Variants in RALYL observed in about 807,000 individuals in gnomAD.
RALYL encodes the protein RALY RNA binding protein like.
Under a neutral mutation model 35.1 loss-of-function variants are expected in RALYL, and 29 were observed. That is an observed-to-expected ratio of 0.83 (90% CI 0.61 to 1.13). The LOEUF is 1.13. Ranked by LOEUF, RALYL falls within the 50% of genes most tolerant of loss-of-function variation. The pLI, the probability that RALYL is intolerant of heterozygous loss-of-function variation, is 0.00. For missense variants in RALYL, 359 were observed against 360.4 expected (o/e 1.00, Z 0.03); for synonymous variants, 120 against 127.6 (o/e 0.94, Z 0.40).
chr8:84,360,513 C>T (rs1398957794), intron 1 of RALYL, among the ~76,000 whole-genome samples: 1 of 152,082 alleles, frequency 6.6e-6, no homozygotes, highest in Admixed American at 6.6e-5. Context: ...CAATGAATAT[C>T]GAAGATTAAT....
chr8:84,564,561 A>G (rs190718439), intron 2 of RALYL, among the ~76,000 whole-genome samples: 63 of 151,804 alleles, frequency 4.2e-4, no homozygotes, highest in African/African-American at 1.4e-3. Flanking sequence ...GTCTGCCACA[A>G]TCCCTTCAAT....
chr8:84,464,122 T>C (rs1315683172), intron 1 of RALYL, among the ~76,000 whole-genome samples: 3 of 142,686 alleles, frequency 2.1e-5, no homozygotes, highest in African/African-American at 5.2e-5. Flanking sequence ...TTTAAAAACA[T>C]TAAAACAAGT....
chr8:84,354,521 C>T (rs1851476001), intron 1 of RALYL, among the ~76,000 whole-genome samples: 1 of 150,430 alleles, frequency 6.6e-6, no homozygotes, highest in Admixed American at 6.6e-5. Context: ...CTGATTTCTC[C>T]TCAGTCACTT....
intron 2 of RALYL, among the ~76,000 whole-genome samples, chr8:84,737,226 CT>C (rs1847479759): frequency 6.6e-6 from 1 of 152,026 alleles, no homozygotes; most frequent in African/African-American, 2.4e-5. Context: ...AAGCTATTAG[CT>C]GTTATTATTA....
At chr8:84,648,233 C>A (rs1450117764) in intron 2 of RALYL, among the ~76,000 whole-genome samples, 1 of 152,096 alleles carries the variant, frequency 6.6e-6, no homozygotes, top group Non-Finnish European at 1.5e-5. Flanking sequence ...CACATTAAAG[C>A]AAGTTTTCAT....
intron 2 of RALYL, among the ~76,000 whole-genome samples, chr8:84,738,670 A>G (rs1266276857): frequency 6.6e-6 from 1 of 152,024 alleles, no homozygotes; most frequent in Non-Finnish European, 1.5e-5. Flanking sequence ...ATAACAATAC[A>G]ATGTTATTTT....
intron 1 of RALYL, among the ~76,000 whole-genome samples, chr8:84,383,312 T>C (rs565803182): frequency 6.6e-6 from 1 of 151,806 alleles, no homozygotes; most frequent in Admixed American, 6.6e-5. Flanking sequence ...GAGGGTCTTT[T>C]ATGGGGAATC....
intron 2 of RALYL, among the ~76,000 whole-genome samples, chr8:84,567,349 A>G (rs887367153): frequency 9.2e-5 from 14 of 151,742 alleles, no homozygotes; most frequent in Admixed American, 2.0e-4. Flanking sequence ...GTAATTTTTC[A>G]AACTCACCCT....
Position 84,876,388 on chromosome 8 carries a change from T to C in RALYL, c.685+2991T>C, listed in dbSNP as rs539641332. Among the ~76,000 whole-genome samples, 12 of 152,338 alleles carry C rather than the reference T, an allele frequency of 7.9e-5. No individual in the cohort carries two copies. In the South Asian group the frequency reaches 8.3e-4, roughly 11 times the overall value. ...AACTTCTTTGGGGATATAGTGACTA[T>C]GTAGATTATAGAAAACCACAAGTAA... is the stretch of plus-strand genomic sequence containing the variant. On this transcript the variant is annotated intron_variant, in intron 7 of 8. Transcript: ENST00000521268.
chr8:84,281,347 G>A (rs1330307737), intron 1 of RALYL, among the ~76,000 whole-genome samples: 1 of 152,100 alleles, frequency 6.6e-6, no homozygotes, highest in South Asian at 2.1e-4. Context: ...AAGGAAAATT[G>A]AGATGGAGTA....
At chr8:84,508,868 AGTC>A (rs943128353) in intron 1 of RALYL, among the ~76,000 whole-genome samples, 3 of 152,058 alleles carry the variant, frequency 2.0e-5, no homozygotes, top group Non-Finnish European at 4.4e-5. Flanking sequence ...CTTTTCAAAA[AGTC>A]GTGTATATTT....
intron 4 of RALYL, among the ~76,000 whole-genome samples, chr8:84,816,549 A>C (rs1483417153): frequency 6.6e-6 from 1 of 152,314 alleles, no homozygotes; most frequent in East Asian, 1.9e-4. Flanking sequence ...AAGTCAGAAC[A>C]ATTTAAAAGT....
intron 2 of RALYL, among the ~76,000 whole-genome samples, chr8:84,562,569 A>G (rs564689929): frequency 1.2e-4 from 18 of 152,042 alleles, no homozygotes; most frequent in African/African-American, 4.3e-4. Context: ...ATGGGAAAAG[A>G]TTCCTAAAAA....
intron 2 of RALYL, among the ~76,000 whole-genome samples, chr8:84,715,873 T>C (rs1442852229): frequency 1.3e-5 from 2 of 152,134 alleles, no homozygotes; most frequent in African/African-American, 2.4e-5. Context: ...TGTGTAAATA[T>C]TGACTCAAAG....
At chr8:84,683,466 T>A (rs372474445) in intron 2 of RALYL, among the ~76,000 whole-genome samples, 6 of 152,178 alleles carry the variant, frequency 3.9e-5, no homozygotes, top group African/African-American at 1.4e-4. Flanking sequence ...ATTATTATAG[T>A]GTAGCAGTCT....
chr8:84,332,310 G>C (rs1024969778), intron 1 of RALYL, among the ~76,000 whole-genome samples: 2 of 151,986 alleles, frequency 1.3e-5, no homozygotes, highest in African/African-American at 4.8e-5. Context: ...TGGTTCTTAA[G>C]AATCAGCAGA....
At chr8:84,647,743 TA>T (rs1827800815) in intron 2 of RALYL, among the ~76,000 whole-genome samples, 1 of 151,964 alleles carries the variant, frequency 6.6e-6, no homozygotes, top group South Asian at 2.1e-4. Flanking sequence ...AATATGTAAG[TA>T]AAAGACACAG....
chr8:84,702,966 A>T (rs1840469753), intron 2 of RALYL, among the ~76,000 whole-genome samples: 1 of 152,144 alleles, frequency 6.6e-6, no homozygotes, highest in Non-Finnish European at 1.5e-5. Context: ...ACTCTAGCCC[A>T]TTTGGGATTC....
At chr8:84,391,979 C>T (rs1328241112) in intron 1 of RALYL, among the ~76,000 whole-genome samples, 3 of 151,980 alleles carry the variant, frequency 2.0e-5, no homozygotes, top group Admixed American at 6.6e-5. Context: ...ACTGCATTTT[C>T]CTTACATGCA....
Sources: gnomAD v4.1 joint callset for allele counts (sites outside exome capture counted in the v4.1 genomes callset) on GRCh38, gnomAD v4.1.1 for gene constraint, MANE v1.5 for transcripts, NCBI Gene and HGNC (gene_info 2026-07-23, HGNC 2026-07-21) for gene names.